PLCL2: variants seen among roughly 807,000 people sequenced by gnomAD.
PLCL2 encodes the protein inactive phospholipase C-like protein 2.
Under a neutral mutation model 79.6 loss-of-function variants are expected in PLCL2, and 4 were observed. The ratio of observed to expected loss-of-function variants is 0.05; its 90% CI spans 0.02 to 0.11. The LOEUF (loss-of-function observed/expected upper bound fraction) is 0.11, where lower values mean the gene tolerates loss of function less well. PLCL2 is among the 10% of genes least tolerant of loss of function. The pLI is 1.00. For missense variants in PLCL2, 895 were observed against 1,291.0 expected (o/e 0.69, Z 4.70); for synonymous variants, 484 against 457.7 (o/e 1.06, Z -0.73).
intron 5 of PLCL2, chr3:17,081,067 G>A: frequency 2.4e-6 from 1 of 424,088 alleles, no homozygotes; most frequent in Non-Finnish European, 4.7e-6. Context: ...TCTAAACTCA[G>A]TGTCCTTTTT....
chr3:17,074,066 G>T (rs530140495), intron 5 of PLCL2, among the ~76,000 whole-genome samples: 6 of 152,256 alleles, frequency 3.9e-5, no homozygotes, highest in African/African-American at 1.4e-4. Context: ...TTTCCAGAAG[G>T]TCTTCAATTT....
At chr3:17,051,998 G>C (rs1013449675) in intron 4 of PLCL2, among the ~76,000 whole-genome samples, 4 of 152,052 alleles carry the variant, frequency 2.6e-5, no homozygotes, top group African/African-American at 9.7e-5. Flanking sequence ...GCTCATTACA[G>C]AGGATGCTAT....
At chr3:16,946,953 C>CTTTTTTTTT (rs1056023349) in intron 1 of PLCL2, among the ~76,000 whole-genome samples, 1,593 of 95,306 alleles carry the variant, frequency 0.017, 175 homozygotes, top group South Asian at 0.042. Flanking sequence ...AAGTTTCATT[C>CTTTTTTTTT]TTTTTTTTTT....
Position 17,068,053 on chromosome 3 carries a change from T to C in PLCL2, c.3192T>C (p.Ile1064=). The C allele has an allele frequency of 6.3e-7, 1 of 1,586,014 alleles. No homozygotes were observed. Among genetic ancestry groups the C allele is most frequent in the Non-Finnish European group, 8.7e-7 (1 of 1,154,774 alleles). The change falls in exon 5 of 6, where the codon ATT becomes ATC. Residue 1064 remains isoleucine, a synonymous_variant. Transcript: ENST00000615277. ...QKAVESFTWN[I]TILKGQADLL... ...CAGTGGAGAGCTTTACCTGGAATAT[T>C]ACCATCTTAAAGGTATCTATAGAGT...
intron 1 of PLCL2, among the ~76,000 whole-genome samples, chr3:16,889,010 A>G (rs1349206240): frequency 1.3e-5 from 2 of 152,196 alleles, no homozygotes; most frequent in African/African-American, 4.8e-5. Context: ...GGTCTCTGTG[A>G]TCTTTCGCTC....
At chr3:16,976,769 G>A (rs1329279730) in intron 1 of PLCL2, among the ~76,000 whole-genome samples, 1 of 152,154 alleles carries the variant, frequency 6.6e-6, no homozygotes, top group Non-Finnish European at 1.5e-5. Flanking sequence ...TATTTGTGGG[G>A]CTTATTTATT....
intron 1 of PLCL2, among the ~76,000 whole-genome samples, chr3:16,999,637 G>C (rs2064187182): frequency 6.6e-6 from 1 of 152,178 alleles, no homozygotes; most frequent in Admixed American, 6.5e-5. Context: ...TGCAGTGCTA[G>C]CTCACATCTT....
At chr3:16,993,409 A>C (rs2064123421) in intron 1 of PLCL2, among the ~76,000 whole-genome samples, 1 of 152,122 alleles carries the variant, frequency 6.6e-6, no homozygotes, top group African/African-American at 2.4e-5. Flanking sequence ...ACACCATTTC[A>C]TTCCCAGTGC....
chr3:16,948,432 A>G (rs73037023), intron 1 of PLCL2, among the ~76,000 whole-genome samples: 3,280 of 152,300 alleles, frequency 0.022, 72 homozygotes, highest in Non-Finnish European at 0.032. Context: ...ATAAAAATGT[A>G]CTAAAATTGA....
At chr3:16,975,193 T>C (rs993512184) in intron 1 of PLCL2, among the ~76,000 whole-genome samples, 1 of 152,200 alleles carries the variant, frequency 6.6e-6, no homozygotes, top group Non-Finnish European at 1.5e-5. Flanking sequence ...AAGGCAGAGA[T>C]AGAAAGATGG....
intron 3 of PLCL2, among the ~76,000 whole-genome samples, chr3:17,017,089 T>C (rs1031240904): frequency 5.9e-5 from 9 of 152,212 alleles, no homozygotes; most frequent in African/African-American, 2.2e-4. Context: ...TTTATGGCAC[T>C]CATAGCAATA....
At chr3:17,070,671 C>T (rs61520775) in intron 5 of PLCL2, among the ~76,000 whole-genome samples, 4,212 of 151,954 alleles carry the variant, frequency 0.028, 218 homozygotes, top group African/African-American at 0.097. Context: ...GAATCTTGAA[C>T]GTGAATTTAG....
chr3:16,951,894 A>G (rs764915019), intron 1 of PLCL2, among the ~76,000 whole-genome samples: 1 of 151,620 alleles, frequency 6.6e-6, no homozygotes, highest in Non-Finnish European at 1.5e-5. Flanking sequence ...GTGGCCTAAT[A>G]CAAGATCTTT....
Position 17,089,846 on chromosome 3 carries a change from T to G in PLCL2, c.3318T>G (p.Asp1106Glu). 6.2e-7 allele frequency: 1 copy of G among 1,614,124 alleles called. No individual in the cohort carries two copies. Among genetic ancestry groups the G allele is most frequent in the Non-Finnish European group, 8.5e-7 (1 of 1,180,004 alleles). The change falls in exon 6 of 6, where the codon GAT becomes GAG. Residue 1106 changes from aspartate to glutamate, a missense_variant. Physicochemically the swap from Asp to Glu is conservative, Grantham distance 45. Around this residue, in one of 6 missense-constraint regions of PLCL2, gnomAD observed 298 missense variants for 459.6 expected, o/e 0.65. Coordinates refer to ENST00000615277, the MANE Select transcript of PLCL2 (RefSeq NM_001144382.2). ...GLNKPGTENADVQKPRRSLEV... is the reference protein window; with the variant it reads ...GLNKPGTENAEVQKPRRSLEV... The stretch of plus-strand genomic sequence containing the variant: ...ATAAACCAGGCACCGAAAATGCTGA[T>G]GTCCAGAAGCCACGCCGGAGCTTGG...
chr3:16,997,872 G>T (rs545265447), intron 1 of PLCL2, among the ~76,000 whole-genome samples: 9 of 151,958 alleles, frequency 5.9e-5, no homozygotes, highest in African/African-American at 1.9e-4. Context: ...TAAACCATTT[G>T]GTTAAAAAAG....
At position 17,010,584 on chromosome 3, in the gene PLCL2, A is replaced by C. The variant is rs1365540208; in HGVS notation, c.1238A>C (p.Asp413Ala). 6.2e-7 allele frequency: 1 copy of C among 1,614,032 alleles called. No individual in the cohort carries two copies. The highest frequency in any genetic ancestry group is 1.7e-5 in the Admixed American group (1 of 60,006). The change falls in exon 2 of 6, where the codon GAC becomes GCC. Residue 413 changes from aspartate (D) to alanine (A), a missense_variant. This residue lies in a region of PLCL2 where 242 missense variants were observed against 399.5 expected (regional missense o/e 0.61). Transcript: ENST00000615277. This position sits in a 1 kb window ranked among gnomAD's most constrained non-coding sequence, Gnocchi z 5.8. ...TTCACTAATTACCTTATGTCACCTG[A>C]CTGTTATATATTCGATCCAGAACAT... ...DGFTNYLMSP[D>A]CYIFDPEHKK...
At chr3:17,043,386 T>C (rs1355456546) in intron 4 of PLCL2, among the ~76,000 whole-genome samples, 4 of 152,194 alleles carry the variant, frequency 2.6e-5, no homozygotes, top group African/African-American at 9.7e-5. Flanking sequence ...CTCCTGACAC[T>C]TTTTAGTACA....
At chr3:17,043,037 A>G (rs761764737) in intron 4 of PLCL2, 88 bp downstream of exon 4, 18 of 810,736 alleles carry the variant, frequency 2.2e-5, no homozygotes, top group Non-Finnish European at 3.2e-5. Context: ...TGGATGCTAT[A>G]TCAAGAAAAT....
chr3:16,944,692 G>A (rs1168490706), intron 1 of PLCL2, among the ~76,000 whole-genome samples: 2 of 151,952 alleles, frequency 1.3e-5, no homozygotes, highest in African/African-American at 4.8e-5. Flanking sequence ...CACCAGAACT[G>A]TAAGAAAATA....
Sources: allele counts gnomAD v4.1 joint callset (sites outside exome capture counted in the v4.1 genomes callset), GRCh38; gene constraint gnomAD v4.1.1; regional missense constraint gnomAD v4.1.1; non-coding constraint Gnocchi (gnomAD v3.1); transcripts MANE v1.5; gene names NCBI Gene and HGNC (gene_info 2026-07-23, HGNC 2026-07-21).